Variants in TENM4 observed in about 807,000 individuals in gnomAD.
TENM4 encodes teneurin-4.
Under a neutral mutation model 243.3 loss-of-function variants are expected in TENM4, and 82 were observed. The ratio of observed to expected loss-of-function variants is 0.34; its 90% confidence interval spans 0.28 to 0.40. The LOEUF is 0.40. Ranked by LOEUF, TENM4 falls within the 10% of genes least tolerant of loss-of-function variation. The pLI is 1.00. For synonymous variants in TENM4, 1,412 were observed against 1,456.3 expected (o/e 0.97, Z 0.69); for missense variants, 3,138 against 3,673.3 (o/e 0.85, Z 3.77).
At chr11:79,305,281 CAG>C (rs1269753456) in intron 1 of TENM4, among the ~76,000 whole-genome samples, 1 of 152,226 alleles carries the variant, frequency 6.6e-6, no homozygotes, top group African/African-American at 2.4e-5. Flanking sequence ...GCCAGCCTTT[CAG>C]AGCTGATGTG....
intron 3 of TENM4, among the ~76,000 whole-genome samples, chr11:79,152,077 A>G (rs114531972): frequency 0.015 from 2,322 of 152,298 alleles, 57 homozygotes; most frequent in East Asian, 0.074. Flanking sequence ...CTAAATAAAC[A>G]TAAAATCCTT....
intron 6 of TENM4, among the ~76,000 whole-genome samples, chr11:78,970,837 T>C (rs1349462377): frequency 6.6e-6 from 1 of 152,138 alleles, no homozygotes; most frequent in African/African-American, 2.4e-5. Context: ...TAAAAATAGT[T>C]ATGGAACAAA....
chr11:79,322,044 A>G (rs893467394), intron 1 of TENM4, among the ~76,000 whole-genome samples: 1 of 152,188 alleles, frequency 6.6e-6, no homozygotes. Context: ...TGTAAATGAC[A>G]GGAAACAGGG....
rs1477653453 is a variant in TENM4, at chr11:78,701,961, T to A, written c.4652A>T (p.Tyr1551Phe). The A allele has an allele frequency of 6.2e-7, 1 of 1,613,914 alleles. No homozygotes were observed. The highest frequency in any genetic ancestry group is 8.5e-7 in the Non-Finnish European group (1 of 1,179,910). The change falls in exon 28 of 34, where the codon TAC (tyrosine) becomes TTC (phenylalanine). Residue 1551 changes from tyrosine (Y) to phenylalanine (F), a missense_variant. Around this residue, in one of 2 missense-constraint regions of TENM4, gnomAD observed 2,467 missense variants for 3,059.1 expected, o/e 0.81. Coordinates refer to ENST00000278550, the MANE Select transcript of TENM4 (RefSeq NM_001098816.3). ...SLAVCADGEL[Y>F]VADLGNIRIR... ...TCGGATGTTCCCAAGGTCGGCCACG[T>A]AGAGCTCCCCATCAGCACACACAGC...
rs556194073 is a variant in TENM4 at position 79,302,656 on chromosome 11, A to T, written c.-320-5113T>A. Among the ~76,000 whole-genome samples the T allele has an allele frequency of 1.4e-3, 219 of 152,306 alleles. 1 individual carries two copies. The highest frequency in any genetic ancestry group is 5.2e-3 in the African/African-American group (216 of 41,564). On this transcript the variant is annotated intron_variant, in intron 1 of 33. Coordinates refer to ENST00000278550, the MANE Select transcript of TENM4 (RefSeq NM_001098816.3). ...AATTGATTGTTGGTCAGAGAGGCTC[A>T]GTACTTCTCTAGCCACATCTCTTCC... is the stretch of plus-strand genomic sequence containing the variant.
chr11:79,098,226 C>A (rs865964190), intron 4 of TENM4, among the ~76,000 whole-genome samples: 6 of 151,676 alleles, frequency 4.0e-5, no homozygotes, highest in Admixed American at 6.6e-5. Flanking sequence ...CCCCCACCCC[C>A]CCCCATCTCC....
chr11:79,355,344 C>G (rs543202690), intron 1 of TENM4, among the ~76,000 whole-genome samples: 182 of 152,244 alleles, frequency 1.2e-3, no homozygotes, highest in Non-Finnish European at 2.4e-3. Context: ...ACCAGCCTGG[C>G]CAACATGGTA....
chr11:78,834,210 T>C (rs770684138), intron 12 of TENM4, among the ~76,000 whole-genome samples: 10 of 152,176 alleles, frequency 6.6e-5, no homozygotes, highest in Non-Finnish European at 1.3e-4. Context: ...TGTCCAAGAG[T>C]GCTCTCCTTT....
intron 1 of TENM4, among the ~76,000 whole-genome samples, chr11:79,429,042 C>A (rs529567722): frequency 6.6e-6 from 1 of 152,138 alleles, no homozygotes; most frequent in African/African-American, 2.4e-5. Context: ...TTCTAATGCA[C>A]CGCCAGGGTC....
intron 6 of TENM4, among the ~76,000 whole-genome samples, chr11:79,014,922 A>C (rs954831657): frequency 2.0e-5 from 3 of 152,226 alleles, no homozygotes; most frequent in Non-Finnish European, 4.4e-5. Flanking sequence ...CTGCCCCTGC[A>C]CTAACTTCAT....
In TENM4 at chr11:79,215,826, G is replaced by A. The variant is rs181965914; in HGVS notation, c.-181C>T. On this transcript the variant is annotated 5_prime_UTR_variant, in exon 3 of 34. The change creates a new upstream start codon in the 5' untranslated region. Coordinates refer to ENST00000278550, the MANE Select transcript of TENM4 (RefSeq NM_001098816.3). Reference sequence around the variant, plus strand: ...GACTGACCTGGCTCCATGTCAGCACGTTCTGAAGAGTCAGCAATGTCCGTG... The same window carrying A: ...GACTGACCTGGCTCCATGTCAGCACATTCTGAAGAGTCAGCAATGTCCGTG... The A allele has an allele frequency of 1.0e-4, 100 of 985,846 alleles. 1 individual carries two copies. The highest frequency in any genetic ancestry group is 8.9e-4 in the South Asian group (19 of 21,278). The allele number at this position is 985,846 out of a possible 1,614,324, so 61.1% of individuals were successfully genotyped here.
At chr11:78,827,014 T>C (rs1284683540) in intron 12 of TENM4, among the ~76,000 whole-genome samples, 1 of 152,232 alleles carries the variant, frequency 6.6e-6, no homozygotes, top group Non-Finnish European at 1.5e-5. Context: ...GTACTGCTTT[T>C]ATGCTGTTGC....
At chr11:78,963,412 A>G (rs1857372879) in intron 6 of TENM4, among the ~76,000 whole-genome samples, 1 of 152,252 alleles carries the variant, frequency 6.6e-6, no homozygotes, top group South Asian at 2.1e-4. Context: ...TAACATAAGC[A>G]CAGACATATA....
intron 3 of TENM4, among the ~76,000 whole-genome samples, chr11:79,171,253 C>A (rs1422951687): frequency 6.6e-6 from 1 of 152,130 alleles, no homozygotes; most frequent in African/African-American, 2.4e-5. Context: ...ATCAGCATGC[C>A]TCACCCAGTA....
In TENM4 at chr11:78,658,823, G is replaced by C; in HGVS notation, c.7552-7C>G. The C allele has an allele frequency of 6.2e-7, 1 of 1,603,826 alleles. No individual in the cohort carries two copies. The highest frequency in any genetic ancestry group is 8.5e-7 in the Non-Finnish European group (1 of 1,172,590). ...ACTGTACCCCGAGGATAGACTGATG[G>C]GGGAGGAGAGTGAGAGAGAGAGTAA... On this transcript the variant is annotated splice_region_variant and splice_polypyrimidine_tract_variant and intron_variant, in intron 33 of 33. Transcript: ENST00000278550.
intron 18 of TENM4, among the ~76,000 whole-genome samples, chr11:78,761,430 A>G (rs1247547516): frequency 6.6e-6 from 1 of 151,922 alleles, no homozygotes; most frequent in African/African-American, 2.4e-5. Flanking sequence ...TAGTAGAGAC[A>G]GGGTTTCACC....
rs373798302 is a variant in TENM4 at position 79,109,844 on chromosome 11, CCT to C, written c.-66+38864_-66+38865del. 2.1e-3 allele frequency among the ~76,000 whole-genome samples: 326 copies of C among 152,316 alleles called. 13 individuals carry two copies. In the South Asian group the frequency reaches 0.065, roughly 30 times the overall value. Reference sequence around the variant, plus strand: ...CCATGTGACTCTGGGCAATTCTGAACCTCTCTGTGCTTCAGTTCTCTTGGCTG... The same window carrying C: ...CCATGTGACTCTGGGCAATTCTGAACCTCTGTGCTTCAGTTCTCTTGGCTG... On this transcript the variant is annotated intron_variant, in intron 4 of 33. Coordinates refer to ENST00000278550, the MANE Select transcript of TENM4 (RefSeq NM_001098816.3).
rs1323617991 is a variant in TENM4 at position 78,732,726 on chromosome 11, G to A, written c.2877-149C>T. On this transcript the variant is annotated intron_variant, in intron 20 of 33. Transcript: ENST00000278550. ...GGCTCTAATGCCTAAATATTTGACT[G>A]CAGCTCCAAACAATGGCAGTGATTT... 1.3e-5 allele frequency: 12 copies of A among 927,298 alleles called. No homozygotes were observed. The Admixed American group carries it at 3.7e-4, about 28-fold the overall frequency. 57.4% of individuals were successfully genotyped at this position (927,298 alleles called of 1,614,324 possible).
chr11:78,864,690 T>G (rs1049603574), intron 9 of TENM4, among the ~76,000 whole-genome samples: 4 of 152,156 alleles, frequency 2.6e-5, no homozygotes, highest in African/African-American at 9.7e-5. Flanking sequence ...CCTCTTCTGA[T>G]GCCCATCTGA....
Sources: allele counts gnomAD v4.1 joint callset (sites outside exome capture counted in the v4.1 genomes callset), GRCh38; gene constraint gnomAD v4.1.1; regional missense constraint gnomAD v4.1.1; transcripts MANE v1.5; gene names NCBI Gene and HGNC (gene_info 2026-07-23, HGNC 2026-07-21).